The following CUX1 variants were observed in gnomAD, a reference collection of about 807,000 sequenced individuals.
CUX1 encodes the protein cut like homeobox 1.
In CUX1, 31 loss-of-function variants were observed where a neutral mutation model predicts 158.8. That is an observed-to-expected ratio of 0.20 (90% CI 0.15 to 0.26). The LOEUF is 0.26. CUX1 is among the 10% of genes least tolerant of loss of function. The probability of loss-of-function intolerance (pLI) is 1.00; values close to 1 mark genes in which losing one functional copy is unlikely to be tolerated. For synonymous variants in CUX1, 879 were observed against 862.1 expected (o/e 1.02, Z -0.34); for missense variants, 1,589 against 2,014.6 (o/e 0.79, Z 4.04).
Position 102,067,554 on chromosome 7 carries a change from TA to T in CUX1, c.190-2784del, listed in dbSNP as rs779461455. Among the ~76,000 whole-genome samples, 157 of 149,866 alleles carry T rather than the reference TA, an allele frequency of 1.0e-3. 1 individual carries two copies. The highest frequency in any genetic ancestry group is 3.5e-3 in the Middle Eastern group (1 of 288). On this transcript the variant is annotated intron_variant, in intron 3 of 23. Transcript: ENST00000292535. ...CCTGACCACAACTCTATTTTTTTTT[TA>T]TATAATTAGGAAAAAAAAATAGAAA...
intron 1 of CUX1, among the ~76,000 whole-genome samples, chr7:101,870,210 G>A (rs2131445458): frequency 7.0e-6 from 1 of 143,112 alleles, no homozygotes; most frequent in African/African-American, 2.7e-5. Context: ...CCGTTGTACA[G>A]TGGCACCATC....
Position 102,128,348 on chromosome 7 carries a change from C to G in CUX1, c.674+13075C>G, listed in dbSNP as rs189872186. 4.8e-3 allele frequency among the ~76,000 whole-genome samples: 729 copies of G among 152,260 alleles called. 7 individuals carry two copies. The highest frequency in any genetic ancestry group is 0.03 in the South Asian group (143 of 4,824). On this transcript the variant is annotated intron_variant, in intron 8 of 23. Coordinates refer to ENST00000292535, the MANE Select transcript of CUX1 (RefSeq NM_181552.4). ...GACCCTGACTCTGGTCCCATCTGTC[C>G]CCAGGTGTGACCCCACAAAGCCCCT...
rs1795378201 is a variant in CUX1 at position 102,201,042 on chromosome 7, A to AAG, written c.2063-317_2063-316insGA. Reference sequence around the variant, plus strand: ...CCTGTCGCTAAAAAAAAAAAAAAAAAAAAAAAAAAAAATTCTCGGGGAAAG... The same window carrying AAG: ...CCTGTCGCTAAAAAAAAAAAAAAAAAAGAAAAAAAAAAAATTCTCGGGGAAAG... On this transcript the variant is annotated intron_variant, in intron 17 of 23. Transcript: ENST00000292535. This position sits in a 1 kb window ranked among gnomAD's most constrained non-coding sequence, Gnocchi z 5.0. Among the ~76,000 whole-genome samples, 1 of 151,042 alleles carries AAG rather than the reference A, an allele frequency of 6.6e-6. No homozygotes were observed. The highest frequency in any genetic ancestry group is 1.5e-5 in the Non-Finnish European group (1 of 67,788).
At chr7:102,008,978 G>C (rs1050947744) in intron 2 of CUX1, among the ~76,000 whole-genome samples, 1 of 152,170 alleles carries the variant, frequency 6.6e-6, no homozygotes. Flanking sequence ...GCAGGGGAGA[G>C]AAGGGAGGTA....
At chr7:102,185,745 A>C (rs782463017) in intron 11 of CUX1, among the ~76,000 whole-genome samples, 3 of 152,180 alleles carry the variant, frequency 2.0e-5, no homozygotes, top group Non-Finnish European at 4.4e-5. Context: ...TGGTGGAGCC[A>C]GGATCTGTCG....
At chr7:102,018,722 T>G (rs1223821962) in intron 2 of CUX1, among the ~76,000 whole-genome samples, 1 of 133,686 alleles carries the variant, frequency 7.5e-6, no homozygotes, top group Non-Finnish European at 1.7e-5. Context: ...AATTGAGGAC[T>G]CCGGAGAGCT....
At chr7:102,075,846 A>C (rs1554476445) in intron 4 of CUX1, among the ~76,000 whole-genome samples, 1 of 152,228 alleles carries the variant, frequency 6.6e-6, no homozygotes, top group Non-Finnish European at 1.5e-5. Flanking sequence ...AGCACTTAGC[A>C]TTCGGAGTTG....
intron 9 of CUX1, among the ~76,000 whole-genome samples, chr7:102,159,413 G>A (rs77447728): frequency 0.064 from 9,760 of 152,276 alleles, 431 homozygotes; most frequent in African/African-American, 0.11. Flanking sequence ...ATCAGGCACA[G>A]GACGCATCTT....
At position 102,201,446 on chromosome 7, in the gene CUX1, A is replaced by G. The variant is rs1795429572; in HGVS notation, c.2149A>G (p.Met717Val). 1 of 1,613,904 alleles carries G rather than the reference A, an allele frequency of 6.2e-7. No homozygotes were observed. The highest frequency in any genetic ancestry group is 1.3e-5 in the African/African-American group (1 of 74,884). ...RSILQQARRE[M>V]EAQQAALDPA... ...CATCCTGCAGCAAGCCCGCCGGGAG[A>G]TGGAGGCCCAGCAGGCTGCCCTCGA... The change falls in exon 18 of 24, where the codon ATG (methionine) becomes GTG (valine). Residue 717 changes from methionine to valine, a missense_variant. Physicochemically the swap from Met to Val is conservative, Grantham distance 21 (BLOSUM62 1). Coordinates refer to ENST00000292535, the MANE Select transcript of CUX1 (RefSeq NM_181552.4). This position sits in a 1 kb window ranked among gnomAD's most constrained non-coding sequence, Gnocchi z 5.0.
chr7:102,175,341 C>G (rs570049570), intron 10 of CUX1, among the ~76,000 whole-genome samples: 1 of 152,276 alleles, frequency 6.6e-6, no homozygotes, highest in South Asian at 2.1e-4. Context: ...TCGTAAAAGC[C>G]CTTTAATCAG....
intron 4 of CUX1, among the ~76,000 whole-genome samples, chr7:102,088,234 G>A (rs1828153845): frequency 6.6e-6 from 1 of 152,110 alleles, no homozygotes; most frequent in African/African-American, 2.4e-5. Context: ...CTGACCTCAG[G>A]TGATCTGCCT....
intron 1 of CUX1, among the ~76,000 whole-genome samples, chr7:101,890,283 C>G (rs1800736440): frequency 6.6e-6 from 1 of 152,126 alleles, no homozygotes; most frequent in Non-Finnish European, 1.5e-5. Context: ...GTCCCCCAAA[C>G]CGGCACAGTG....
Position 102,255,241 on chromosome 7 carries a change from A to T in CUX1, c.*6199A>T. ...CCACCACCACCTTCCCTCCAAAGAT[A>T]ACCGTGTCCATGCCATCCGTGGCAT... On this transcript the variant is annotated 3_prime_UTR_variant, in exon 24 of 24. Transcript: ENST00000292535. 1.0e-6 allele frequency: 1 copy of T among 985,218 alleles called. No homozygotes were observed. The highest frequency in any genetic ancestry group is 1.2e-6 in the Non-Finnish European group (1 of 829,712). 61.0% of individuals were successfully genotyped at this position (985,218 alleles called of 1,614,324 possible).
rs10643207 is a variant in CUX1, at chr7:101,976,900, A to ATTTTTT, written c.142-51175_142-51170dup. Among the ~76,000 whole-genome samples, 159 of 39,452 alleles carry ATTTTTT rather than the reference A, an allele frequency of 4.0e-3. 29 individuals carry two copies. The highest frequency in any genetic ancestry group is 0.014 in the African/African-American group (123 of 9,020). 25.9% of individuals were successfully genotyped at this position (39,452 alleles called of 152,430 possible). On this transcript the variant is annotated intron_variant, in intron 2 of 23. Transcript: ENST00000292535. ...ATTTGAATAGTCTTTTCCCTTTCTG[A>ATTTTTT]TTTTTTTTTTTTTTTTTTTTTTTTT...
intron 2 of CUX1, among the ~76,000 whole-genome samples, chr7:101,970,612 G>A (rs1811834960): frequency 6.6e-6 from 1 of 152,100 alleles, no homozygotes; most frequent in African/African-American, 2.4e-5. Context: ...CTGGAGTGCA[G>A]TGGTACGATC....
At chr7:101,969,904 T>C (rs1015564083) in intron 2 of CUX1, among the ~76,000 whole-genome samples, 37 of 147,662 alleles carry the variant, frequency 2.5e-4, no homozygotes, top group African/African-American at 7.5e-4. Context: ...CCCCAACGCG[T>C]ATCAGGATTC....
intron 2 of CUX1, among the ~76,000 whole-genome samples, chr7:101,955,663 T>A (rs1461226084): frequency 6.6e-6 from 1 of 152,182 alleles, no homozygotes; most frequent in Admixed American, 6.5e-5. Context: ...TGGCTGGCTG[T>A]GTCACTGGGC....
chr7:102,089,925 T>C (rs114860999), intron 4 of CUX1, among the ~76,000 whole-genome samples: 2,786 of 152,270 alleles, frequency 0.018, 74 homozygotes, highest in African/African-American at 0.062. Flanking sequence ...ATAGAGCTCA[T>C]CTCATTTGCT....
At chr7:101,933,828 A>G (rs556804964) in intron 2 of CUX1, among the ~76,000 whole-genome samples, 1 of 152,344 alleles carries the variant, frequency 6.6e-6, no homozygotes, top group South Asian at 2.1e-4. Flanking sequence ...ACATTTAAAA[A>G]TAGCCATTCT....
Sources: gnomAD v4.1 joint callset for allele counts (sites outside exome capture counted in the v4.1 genomes callset) on GRCh38, gnomAD v4.1.1 for gene constraint, Gnocchi (gnomAD v3.1) non-coding constraint, MANE v1.5 for transcripts, NCBI Gene and HGNC (gene_info 2026-07-23, HGNC 2026-07-21) for gene names.